Variants in IL10RB observed in about 807,000 individuals in gnomAD.
IL10RB encodes the protein interleukin 10 receptor subunit beta, also known as interleukin-10 receptor subunit beta.
In IL10RB, 30 loss-of-function variants were observed where a neutral mutation model predicts 38.7. The observed-to-expected ratio is 0.78, with a 90% CI of 0.58 to 1.05. The LOEUF (loss-of-function observed/expected upper bound fraction) is 1.05, where lower values mean the gene tolerates loss of function less well. Among genes scored for constraint, IL10RB ranks in the 50% least tolerant of loss-of-function variants. The pLI is 0.00. For synonymous variants in IL10RB, 142 were observed against 145.9 expected, an observed-to-expected ratio of 0.97 and a Z score of 0.19; for missense variants, 328 against 397.1, an observed-to-expected ratio of 0.83 and a Z score of 1.48.
In IL10RB at chr21:33,279,793, G is replaced by C. The variant is rs1989246398; in HGVS notation, c.373G>C (p.Asp125His). 1.2e-6 allele frequency: 2 copies of C among 1,613,814 alleles called. No individual in the cohort carries two copies. Among genetic ancestry groups the C allele is most frequent in the East Asian group, 4.5e-5 (2 of 44,886 alleles). Residue 125 changes from aspartate (D) to histidine (H), a missense_variant, in exon 4 of 7, where the codon GAT (aspartate) becomes CAT (histidine). Transcript: ENST00000290200. ...TGGAATGCAAGTAGAAGTACTTGCT[G>C]ATTCTTTACATATGCGTTTCTTAGC... ...PPGMQVEVLA[D>H]SLHMRFLAPK...
rs1172390487 is a variant in IL10RB at position 33,266,488 on chromosome 21, G to C, written c.23G>C (p.Trp8Ser). MAWSLGS[W>S]LGGCLLVSAL... The stretch of plus-strand genomic sequence containing the variant: ...TCCATGGCGTGGAGCCTTGGGAGCT[G>C]GCTGGGTGGCTGCCTGCTGGTGTCA... Residue 8 changes from tryptophan (W) to serine (S), a missense_variant, in exon 1 of 7, where the codon TGG becomes TCG. Coordinates refer to ENST00000290200, the MANE Select transcript of IL10RB (RefSeq NM_000628.5). 1.9e-6 allele frequency: 3 copies of C among 1,542,718 alleles called. No homozygotes were observed. The highest frequency in any genetic ancestry group is 2.6e-6 in the Non-Finnish European group (3 of 1,147,248).
intron 2 of IL10RB, among the ~76,000 whole-genome samples, chr21:33,275,412 T>G (rs1011799307): frequency 3.2e-4 from 48 of 152,170 alleles, no homozygotes; most frequent in African/African-American, 1.1e-3. Context: ...CACCTCAGAC[T>G]CACAAAGTGC....
intron 5 of IL10RB, among the ~76,000 whole-genome samples, chr21:33,287,747 C>T (rs1989401334): frequency 1.3e-5 from 2 of 152,122 alleles, no homozygotes; most frequent in Admixed American, 1.3e-4. Context: ...CTGTGTTTAA[C>T]TCAGGCTCAG....
chr21:33,301,588 G>A (rs1441722073), downstream of IL10RB, among the ~76,000 whole-genome samples: 1 of 152,246 alleles, frequency 6.6e-6, no homozygotes, highest in East Asian at 1.9e-4. Context: ...CCTGGGGCCT[G>A]CCTGCTACTG....
At chr21:33,267,763 T>C (rs1988996489) in intron 1 of IL10RB, among the ~76,000 whole-genome samples, 1 of 152,012 alleles carries the variant, frequency 6.6e-6, no homozygotes, top group South Asian at 2.1e-4. Flanking sequence ...TGATTCACCT[T>C]CCTCAGCCTC....
intron 4 of IL10RB, among the ~76,000 whole-genome samples, chr21:33,280,777 A>G (rs1318069833): frequency 6.6e-6 from 1 of 152,150 alleles, no homozygotes; most frequent in Non-Finnish European, 1.5e-5. Flanking sequence ...TTAATTCTCA[A>G]AGTGTTTGGG....
chr21:33,267,278 C>T (rs1988973730), intron 1 of IL10RB, among the ~76,000 whole-genome samples: 1 of 151,908 alleles, frequency 6.6e-6, no homozygotes, highest in African/African-American at 2.4e-5. Context: ...TTGTGATGCC[C>T]AAGGCCTTTT....
intron 4 of IL10RB, among the ~76,000 whole-genome samples, chr21:33,281,744 C>G (rs2850000): frequency 6.6e-6 from 1 of 151,940 alleles, no homozygotes; most frequent in African/African-American, 2.4e-5. Context: ...CACCACACCC[C>G]GCTAATTTTT....
intron 1 of IL10RB, among the ~76,000 whole-genome samples, chr21:33,305,810 C>A (rs891275077): frequency 2.0e-5 from 3 of 152,062 alleles, no homozygotes; most frequent in African/African-American, 7.2e-5. Context: ...GGGTAAAGGA[C>A]TCTGCTGATG....
downstream of IL10RB, among the ~76,000 whole-genome samples, chr21:33,299,886 G>T (rs547872554): frequency 2.9e-4 from 44 of 152,274 alleles, no homozygotes; most frequent in East Asian, 8.1e-3. Context: ...TTTCAAAGGG[G>T]TCGCTTTCTT....
intron 4 of IL10RB, 94 bp downstream of exon 4, chr21:33,280,012 T>A: frequency 8.9e-7 from 1 of 1,123,204 alleles, no homozygotes; most frequent in Non-Finnish European, 1.4e-6. Context: ...TGGTCCTCTG[T>A]AAGCCAAGAG....
intron 6 of IL10RB, among the ~76,000 whole-genome samples, chr21:33,289,973 G>A (rs1989451674): frequency 6.6e-6 from 1 of 152,106 alleles, no homozygotes; most frequent in African/African-American, 2.4e-5. Flanking sequence ...AATTAGCCAG[G>A]CGTGGTGGCG....
chr21:33,266,562 G>A, intron 1 of IL10RB, 48 bp downstream of exon 1: 1 of 1,516,968 alleles, frequency 6.6e-7, no homozygotes, highest in Non-Finnish European at 8.9e-7. Context: ...GGGAGGCCCC[G>A]CGAGATGCCG....
intron 6 of IL10RB, among the ~76,000 whole-genome samples, chr21:33,294,729 G>A (rs1002748175): frequency 1.3e-5 from 2 of 152,192 alleles, no homozygotes; most frequent in Non-Finnish European, 2.9e-5. Flanking sequence ...GACATTAAGA[G>A]GGGTTCCATC....
At chr21:33,277,823 C>G (rs1989204002) in intron 3 of IL10RB, among the ~76,000 whole-genome samples, 1 of 151,232 alleles carries the variant, frequency 6.6e-6, no homozygotes, top group South Asian at 2.1e-4. Flanking sequence ...GTGCCTGTCA[C>G]TATGCCCAGC....
At chr21:33,282,915 G>C (rs1989305332) in intron 4 of IL10RB, among the ~76,000 whole-genome samples, 179 bp from the exon 5 acceptor site, 1 of 152,098 alleles carries the variant, frequency 6.6e-6, no homozygotes, top group Non-Finnish European at 1.5e-5. Flanking sequence ...GGGCACCACT[G>C]TCAGTCCTTG....
At position 33,296,543 on chromosome 21, in the gene IL10RB, T is replaced by G. The variant is rs1266894465; in HGVS notation, c.*186T>G. The G allele has an allele frequency of 1.4e-6, 1 of 707,688 alleles. No homozygotes were observed. The highest frequency in any genetic ancestry group is 2.5e-6 in the Non-Finnish European group (1 of 392,416). The allele number at this position is 707,688 out of a possible 1,614,324, so 43.8% of individuals were successfully genotyped here. ...TTAAAGGCTGTCTTGGCAAAAATAC[T>G]CCATTTGGGAACTCACTGCCTTATA... On this transcript the variant is annotated 3_prime_UTR_variant, in exon 7 of 7. Coordinates refer to ENST00000290200, the MANE Select transcript of IL10RB (RefSeq NM_000628.5).
At chr21:33,299,660 C>CG (rs2082980830), downstream of IL10RB, among the ~76,000 whole-genome samples, 5 of 152,214 alleles carry the variant, frequency 3.3e-5, no homozygotes, top group Admixed American at 2.6e-4. Context: ...CACACTGTGG[C>CG]CGCCAGGAGA....
intron 3 of IL10RB, among the ~76,000 whole-genome samples, chr21:33,277,180 C>T (rs1019127494): frequency 1.3e-4 from 19 of 151,846 alleles, no homozygotes; most frequent in Non-Finnish European, 1.8e-4. Flanking sequence ...TTGCCCAGAG[C>T]GAAGGACAGA....
Sources: allele counts gnomAD v4.1 joint callset (sites outside exome capture counted in the v4.1 genomes callset), GRCh38; gene constraint gnomAD v4.1.1; transcripts MANE v1.5; gene names NCBI Gene and HGNC (gene_info 2026-07-23, HGNC 2026-07-21).